HTR5A: variants seen among roughly 807,000 people sequenced by gnomAD.
HTR5A encodes 5-hydroxytryptamine receptor 5A, also known as 5-HT-5.
HTR5A carries 21 observed loss-of-function variants against 24.3 expected under a neutral mutation model. The ratio of observed to expected loss-of-function variants is 0.86; its 90% confidence interval spans 0.61 to 1.24. The LOEUF (loss-of-function observed/expected upper bound fraction) is 1.24, where lower values mean the gene tolerates loss of function less well. Ranked by LOEUF, HTR5A falls within the 50% of genes most tolerant of loss-of-function variation. HTR5A has a pLI of 0.00. For synonymous variants in HTR5A, 260 were observed against 213.7 expected (o/e 1.22, Z -1.89); for missense variants, 497 against 489.5 (o/e 1.02, Z -0.15).
chr7:155,081,141 T>C (rs922308190), intron 1 of HTR5A, among the ~76,000 whole-genome samples: 1 of 152,178 alleles, frequency 6.6e-6, no homozygotes, highest in Non-Finnish European at 1.5e-5. Context: ...ATTTTTAGCT[T>C]AAACATTTTT....
In HTR5A at chr7:155,070,339, GAGCTGC is replaced by G; in HGVS notation, c.-557_-552del. On this transcript the variant is annotated 5_prime_UTR_variant, in exon 1 of 2. Coordinates refer to ENST00000287907, the MANE Select transcript of HTR5A (RefSeq NM_024012.4). ...TGGGCGCGCCAGCATTCGCTCTCCGGAGCTGCAGCCTCCGAAGGGGTGGCGGGGGCA... is the reference window on the plus strand; with the variant it reads ...TGGGCGCGCCAGCATTCGCTCTCCGGAGCCTCCGAAGGGGTGGCGGGGGCA... 3 of 450,950 alleles carry G rather than the reference GAGCTGC, an allele frequency of 6.7e-6. No individual in the cohort carries two copies. The highest frequency in any genetic ancestry group is 8.9e-6 in the Non-Finnish European group (2 of 224,680). The allele number at this position is 450,950 out of a possible 1,614,324, so 27.9% of individuals were successfully genotyped here.
chr7:155,077,466 G>GTTTTTTTTTTT (rs11324160), intron 1 of HTR5A, among the ~76,000 whole-genome samples: 1 of 103,352 alleles, frequency 9.7e-6, no homozygotes, highest in African/African-American at 3.2e-5. Flanking sequence ...TTTTTTTTTT[G>GTTTTTTTTTTT]TTTTTTTTTT....
chr7:155,076,903 C>T (rs191012111), intron 1 of HTR5A, among the ~76,000 whole-genome samples: 10 of 152,298 alleles, frequency 6.6e-5, no homozygotes, highest in East Asian at 5.8e-4. Context: ...CTGAACTAAG[C>T]GGTGAACTTA....
intron 1 of HTR5A, among the ~76,000 whole-genome samples, chr7:155,083,726 G>T (rs1472634255): frequency 6.6e-6 from 1 of 152,182 alleles, no homozygotes; most frequent in Non-Finnish European, 1.5e-5. Flanking sequence ...CATTATAGAG[G>T]GGACTTACGT....
intron 1 of HTR5A, among the ~76,000 whole-genome samples, chr7:155,083,528 T>C (rs1795439949): frequency 6.6e-6 from 1 of 152,206 alleles, no homozygotes. Flanking sequence ...GAACCTGCCC[T>C]GTGGAGGCCT....
Position 155,071,623 on chromosome 7 carries a change from A to G in HTR5A, c.724A>G (p.Ile242Val). Residue 242 changes from isoleucine to valine, a missense_variant, in exon 1 of 2, where the codon ATA (isoleucine) becomes GTA (valine). Physicochemically the swap from Ile to Val is conservative, Grantham distance 29 (BLOSUM62 3). Transcript: ENST00000287907. ...GSRKTNSVSP[I>V]SEAVEVKDSA... ...CAGGAAGACCAATAGCGTCTCACCC[A>G]TATCCGAAGCTGTGGAGGTGGGTAT... is the stretch of plus-strand genomic sequence containing the variant. 1.2e-6 allele frequency: 2 copies of G among 1,613,918 alleles called. No homozygotes were observed. The highest frequency in any genetic ancestry group is 1.7e-6 in the Non-Finnish European group (2 of 1,179,884).
rs530291963 is a variant in HTR5A at position 155,070,602 on chromosome 7, C to A, written c.-298C>A. ...TCTGGGCGGCCAAACAGCCTTTCCA[C>A]CAAGGCGAGGAGCCCTGGGCTCCTG... On this transcript the variant is annotated 5_prime_UTR_variant, in exon 1 of 2. Transcript: ENST00000287907. The A allele has an allele frequency of 4.4e-6, 2 of 454,986 alleles. No individual in the cohort carries two copies. Among genetic ancestry groups the A allele is most frequent in the Admixed American group, 7.4e-5 (2 of 26,940 alleles). 28.2% of individuals were successfully genotyped at this position (454,986 alleles called of 1,614,324 possible).
At chr7:155,082,823 C>A (rs1368988104) in intron 1 of HTR5A, among the ~76,000 whole-genome samples, 1 of 152,058 alleles carries the variant, frequency 6.6e-6, no homozygotes, top group Non-Finnish European at 1.5e-5. Flanking sequence ...AATCAGTAAC[C>A]AAAGGTAACT....
intron 1 of HTR5A, among the ~76,000 whole-genome samples, chr7:155,082,644 G>A (rs60675142): frequency 0.03 from 4,597 of 152,290 alleles, 199 homozygotes; most frequent in African/African-American, 0.1. Context: ...TTTTATTGCC[G>A]TCTTGGGACA....
At chr7:155,075,867 T>A (rs1438001277) in intron 1 of HTR5A, among the ~76,000 whole-genome samples, 1 of 152,174 alleles carries the variant, frequency 6.6e-6, no homozygotes, top group Non-Finnish European at 1.5e-5. Flanking sequence ...AACCCTCTAG[T>A]TATCCAACTG....
chr7:155,070,963 C>A lies in HTR5A; in HGVS notation c.64C>A (p.His22Asn). The A allele has an allele frequency of 1.9e-6, 3 of 1,610,868 alleles. No homozygotes were observed. The highest frequency in any genetic ancestry group is 2.5e-6 in the Non-Finnish European group (3 of 1,180,014). Residue 22 changes from histidine (H) to asparagine (N), a missense_variant, in exon 1 of 2, where the codon CAC (histidine) becomes AAC (asparagine). Physicochemically the swap from His to Asn is moderately conservative, Grantham distance 68. Transcript: ENST00000287907. ...CACCCCCTCCCCTTTGGAGACCAACCACAGCCTCGGCAAAGACGACCTGCG... is the reference window on the plus strand; with the variant it reads ...CACCCCCTCCCCTTTGGAGACCAACAACAGCCTCGGCAAAGACGACCTGCG... ...LSTPSPLETN[H>N]SLGKDDLRPS...
intron 1 of HTR5A, 60 bp from the exon 2 acceptor site, chr7:155,084,095 G>T: frequency 2.2e-6 from 3 of 1,355,412 alleles, no homozygotes; most frequent in Non-Finnish European, 3.0e-6. Context: ...CAGTGTCCAG[G>T]CTCAGCCTAG....
At chr7:155,082,903 A>AT (rs2150821211) in intron 1 of HTR5A, among the ~76,000 whole-genome samples, 1 of 152,224 alleles carries the variant, frequency 6.6e-6, no homozygotes, top group Admixed American at 6.5e-5. Flanking sequence ...TAAAGTTTGG[A>AT]CTATTATGGA....
intron 1 of HTR5A, among the ~76,000 whole-genome samples, chr7:155,079,143 T>TG (rs1462915593): frequency 6.6e-6 from 1 of 151,972 alleles, no homozygotes; most frequent in African/African-American, 2.4e-5. Context: ...TTTGTGGAGA[T>TG]GGGGTCTCTC....
rs546194540 is a variant in HTR5A, at chr7:155,086,299, C to T, written c.*1812C>T. 8.5e-5 allele frequency among the ~76,000 whole-genome samples: 13 copies of T among 152,306 alleles called. No homozygotes were observed. The highest frequency in any genetic ancestry group is 1.3e-4 in the Non-Finnish European group (9 of 68,032). ...GTAACACTAGAATCAAGGGTAAACG[C>T]TTAAGTCTATTCTACCTGAAAATCC... On this transcript the variant is annotated 3_prime_UTR_variant, in exon 2 of 2. Transcript: ENST00000287907.
At chr7:155,082,904 C>T (rs1657268) in intron 1 of HTR5A, among the ~76,000 whole-genome samples, 81,914 of 152,000 alleles carry the variant, frequency 0.54, 23,455 homozygotes, top group Non-Finnish European at 0.64. Flanking sequence ...AAAGTTTGGA[C>T]TATTATGGAC....
intron 1 of HTR5A, among the ~76,000 whole-genome samples, chr7:155,080,146 A>AG (rs1236362522): frequency 6.6e-6 from 1 of 152,246 alleles, no homozygotes; most frequent in African/African-American, 2.4e-5. Context: ...CATGTAGACA[A>AG]CACACAAGCA....
At chr7:155,081,947 T>C (rs1171273855) in intron 1 of HTR5A, among the ~76,000 whole-genome samples, 1 of 152,154 alleles carries the variant, frequency 6.6e-6, no homozygotes, top group Admixed American at 6.5e-5. Context: ...AATAGAAAAA[T>C]ATGCTTTTCT....
rs66715434 is a variant in HTR5A at position 155,073,323 on chromosome 7, G to GAAAAAAAAAA, written c.741+1688_741+1697dup. ...GCGACAGAGTGAGACTCTGTCTCAA[G>GAAAAAAAAAA]AAAAAAAAAAAAAAGAATTGAGGAT... On this transcript the variant is annotated intron_variant, in intron 1 of 1. Transcript: ENST00000287907. Among the ~76,000 whole-genome samples, 66 of 109,074 alleles carry GAAAAAAAAAA rather than the reference G, an allele frequency of 6.1e-4. 2 individuals are homozygous for GAAAAAAAAAA. The highest frequency in any genetic ancestry group is 9.9e-4 in the Admixed American group (8 of 8,098). The allele number at this position is 109,074 out of a possible 152,430, so 71.6% of individuals were successfully genotyped here.
Sources: gnomAD v4.1 joint callset for allele counts (sites outside exome capture counted in the v4.1 genomes callset) on GRCh38, gnomAD v4.1.1 for gene constraint, MANE v1.5 for transcripts, NCBI Gene and HGNC (gene_info 2026-07-23, HGNC 2026-07-21) for gene names.